Variants in SATB1 observed in about 807,000 individuals in gnomAD.
SATB1 encodes DNA-binding protein SATB1.
A neutral mutation model predicts 86.9 loss-of-function variants in SATB1; 11 were observed. The observed-to-expected ratio is 0.13, with a 90% CI of 0.08 to 0.21. The LOEUF (loss-of-function observed/expected upper bound fraction) is 0.21. SATB1 is among the 10% of genes least tolerant of loss of function. SATB1 has a pLI of 1.00. For missense variants in SATB1, 551 were observed against 937.6 expected, an observed-to-expected ratio of 0.59 and a Z score of 5.39; for synonymous variants, 357 against 357.2, an observed-to-expected ratio of 1.00 and a Z score of 0.01.
At chr3:18,389,366 C>T (rs1696514927) in intron 7 of SATB1, among the ~76,000 whole-genome samples, 1 of 144,092 alleles carries the variant, frequency 6.9e-6, no homozygotes. Context: ...GTGATAATTA[C>T]TTAAAAAAAA....
chr3:18,417,395 G>C (rs1331812852), intron 2 of SATB1: 1 of 558,406 alleles, frequency 1.8e-6, no homozygotes, highest in African/African-American at 1.9e-5. Context: ...GGTGACGAAA[G>C]AGAAATAAAT....
intron 5 of SATB1, chr3:18,411,091 CA>C: frequency 2.6e-6 from 1 of 386,422 alleles, no homozygotes. Flanking sequence ...TCATCTTTCT[CA>C]ATATTACTTC....
At chr3:18,367,257 T>C (rs150059107) in intron 9 of SATB1, among the ~76,000 whole-genome samples, 117 of 152,282 alleles carry the variant, frequency 7.7e-4, no homozygotes, top group African/African-American at 2.6e-3. Flanking sequence ...CTGTATTATG[T>C]AGAAAATCAG....
chr3:18,421,544 C>A (rs890151859), intron 1 of SATB1, among the ~76,000 whole-genome samples: 5 of 151,970 alleles, frequency 3.3e-5, no homozygotes, highest in African/African-American at 1.2e-4. Context: ...TTTAAACTCC[C>A]CATTGGCTTT....
chr3:18,351,684 C>A (rs1694369642), intron 10 of SATB1: 1 of 495,300 alleles, frequency 2.0e-6, no homozygotes, highest in African/African-American at 1.9e-5. Context: ...TTTTAAAAAA[C>A]ACACAAAAAT....
intron 2 of SATB1, among the ~76,000 whole-genome samples, chr3:18,419,742 A>G (rs1447070293): frequency 6.6e-6 from 1 of 152,214 alleles, no homozygotes; most frequent in Non-Finnish European, 1.5e-5. Flanking sequence ...GGTAATCATG[A>G]GTAGAGGCCA....
intron 5 of SATB1, among the ~76,000 whole-genome samples, chr3:18,403,402 G>A (rs894450112): frequency 6.6e-6 from 1 of 151,936 alleles, no homozygotes; most frequent in Non-Finnish European, 1.5e-5. Flanking sequence ...TTTCAACTAA[G>A]GAATCTGAAT....
At chr3:18,362,416 G>A (rs756723275) in intron 9 of SATB1, among the ~76,000 whole-genome samples, 7 of 151,950 alleles carry the variant, frequency 4.6e-5, no homozygotes, top group Non-Finnish European at 8.8e-5. Context: ...GCAAATGCGG[G>A]TACACAGAAA....
intron 7 of SATB1, among the ~76,000 whole-genome samples, chr3:18,387,233 A>G (rs1696389694): frequency 6.6e-6 from 1 of 152,214 alleles, no homozygotes; most frequent in South Asian, 2.1e-4. Context: ...ATTATCACAA[A>G]TGATTCTAAA....
chr3:18,414,979 G>C (rs1452047047), intron 5 of SATB1, 132 bp downstream of exon 5: 1 of 944,164 alleles, frequency 1.1e-6, no homozygotes, highest in African/African-American at 1.7e-5. Context: ...GGTCACCAGT[G>C]GTCAAGTCAC....
intron 8 of SATB1, among the ~76,000 whole-genome samples, chr3:18,381,180 A>G (rs1444576000): frequency 6.6e-6 from 1 of 152,108 alleles, no homozygotes. Flanking sequence ...CAGGACACAC[A>G]TTTTCCATAA....
intron 5 of SATB1, among the ~76,000 whole-genome samples, chr3:18,408,313 CGT>C: frequency 6.6e-6 from 1 of 152,048 alleles, no homozygotes; most frequent in African/African-American, 2.4e-5. Flanking sequence ...TCCAGCACCC[CGT>C]AAGACTGCAT....
intron 7 of SATB1, among the ~76,000 whole-genome samples, chr3:18,391,133 G>C (rs1009183154): frequency 6.6e-6 from 1 of 152,034 alleles, no homozygotes; most frequent in Non-Finnish European, 1.5e-5. Context: ...AAAAACCCAT[G>C]TGCGAAAGTC....
At chr3:18,442,453 G>C (rs1175264730), upstream of SATB1, among the ~76,000 whole-genome samples, 1 of 152,104 alleles carries the variant, frequency 6.6e-6, no homozygotes, top group African/African-American at 2.4e-5. Context: ...CTATGAAGTA[G>C]TAAGTGTCAA....
rs1272659886 is a variant in SATB1, at chr3:18,443,859, C to T, written c.-25+1659G>A. ...GACGGCCCTTTCTTCTGCCTCTTGCCCAACTCCAAACCCACATTCACGCCA... is the reference window on the plus strand; with the variant it reads ...GACGGCCCTTTCTTCTGCCTCTTGCTCAACTCCAAACCCACATTCACGCCA... On this transcript the variant is annotated intron_variant, in intron 1 of 3. Coordinates refer to the SATB1 transcript ENST00000415069. The surrounding 1 kb of genome is among the most constrained non-coding windows in gnomAD (Gnocchi z 4.4). Among the ~76,000 whole-genome samples the T allele has an allele frequency of 2.0e-5, 3 of 152,176 alleles. No individual in the cohort carries two copies. Among genetic ancestry groups the T allele is most frequent in the African/African-American group, 7.2e-5 (3 of 41,436 alleles).
At chr3:18,390,754 A>G in intron 7 of SATB1, among the ~76,000 whole-genome samples, 1 of 152,106 alleles carries the variant, frequency 6.6e-6, no homozygotes, top group East Asian at 1.9e-4. Flanking sequence ...CCAAAAGACA[A>G]GAGGAGGGGG....
upstream of SATB1, among the ~76,000 whole-genome samples, chr3:18,441,250 T>C (rs1464848163): frequency 1.3e-5 from 2 of 152,136 alleles, no homozygotes; most frequent in Non-Finnish European, 2.9e-5. Context: ...GCTATGACAG[T>C]ATATAGCAAC....
At chr3:18,408,384 T>G (rs1386269634) in intron 5 of SATB1, among the ~76,000 whole-genome samples, 1 of 151,994 alleles carries the variant, frequency 6.6e-6, no homozygotes, top group Admixed American at 6.6e-5. Context: ...CATCCCAGGG[T>G]GCTTTACAAT....
Position 18,345,946 on chromosome 3 carries a change from G to A in SATB1, c.*3224C>T, listed in dbSNP as rs181245836. On this transcript the variant is annotated 3_prime_UTR_variant, in exon 11 of 11. Coordinates refer to ENST00000338745, the MANE Select transcript of SATB1 (RefSeq NM_002971.6). ...TTTTACTCAATCTTGAATCATCTGAGAATGTTTTCTATTCAAGCCAGTATT... is the reference window on the plus strand; with the variant it reads ...TTTTACTCAATCTTGAATCATCTGAAAATGTTTTCTATTCAAGCCAGTATT... 68 of 152,168 alleles carry A rather than the reference G, an allele frequency of 4.5e-4. No individual in the cohort carries two copies. Among genetic ancestry groups the A allele is most frequent in the African/African-American group, 1.6e-3 (67 of 41,540 alleles). The allele number at this position is 152,168 out of a possible 1,614,324, so 9.4% of individuals were successfully genotyped here.
Sources: gnomAD v4.1 joint callset for allele counts (sites outside exome capture counted in the v4.1 genomes callset) on GRCh38, gnomAD v4.1.1 for gene constraint, Gnocchi (gnomAD v3.1) non-coding constraint, MANE v1.5 for transcripts, NCBI Gene and HGNC (gene_info 2026-07-23, HGNC 2026-07-21) for gene names.